UBA6: variants seen among roughly 807,000 people sequenced by gnomAD.
UBA6 encodes the protein ubiquitin-like modifier-activating enzyme 6.
A neutral mutation model predicts 148.3 loss-of-function variants in UBA6; 87 were observed. The ratio of observed to expected loss-of-function variants is 0.59; its 90% CI spans 0.49 to 0.70. The LOEUF (loss-of-function observed/expected upper bound fraction) is 0.70, where lower values mean the gene tolerates loss of function less well. Among genes scored for constraint, UBA6 ranks in the 30% least tolerant of loss-of-function variants. UBA6 has a pLI of 0.00. For missense variants in UBA6, 1,186 were observed against 1,241.2 expected (o/e 0.96, Z 0.67); for synonymous variants, 376 against 401.0 (o/e 0.94, Z 0.75).
In UBA6 at chr4:67,630,272, C is replaced by T. The variant is rs192146028; in HGVS notation, c.2328+194G>A. Reference sequence around the variant, plus strand: ...CTGCTTCAATTCAGAAGGAAAAATCCGACTTCTACTTAGCAATACTGCAAT... The same window carrying T: ...CTGCTTCAATTCAGAAGGAAAAATCTGACTTCTACTTAGCAATACTGCAAT... On this transcript the variant is annotated intron_variant, in intron 26 of 32. Coordinates refer to ENST00000322244, the MANE Select transcript of UBA6 (RefSeq NM_018227.6). 5.7e-4 allele frequency among the ~76,000 whole-genome samples: 86 copies of T among 152,104 alleles called. 1 individual carries two copies. Among genetic ancestry groups the T allele is most frequent in the African/African-American group, 2.0e-3 (82 of 41,534 alleles).
intron 17 of UBA6, among the ~76,000 whole-genome samples, chr4:67,642,631 T>C (rs1319026788): frequency 5.9e-5 from 9 of 152,110 alleles, no homozygotes; most frequent in African/African-American, 4.8e-5. Context: ...TATAGGTTAA[T>C]AGTAATTTTC....
In UBA6 at chr4:67,661,805, A is replaced by T. The variant is rs915436140; in HGVS notation, c.1104+384T>A. The T allele has an allele frequency of 2.3e-4, 57 of 244,670 alleles. 1 individual carries two copies. Among genetic ancestry groups the T allele is most frequent in the Admixed American group, 2.2e-3 (41 of 18,276 alleles). The allele number at this position is 244,670 out of a possible 1,614,324, so 15.2% of individuals were successfully genotyped here. On this transcript the variant is annotated intron_variant, in intron 13 of 32. Coordinates refer to ENST00000322244, the MANE Select transcript of UBA6 (RefSeq NM_018227.6). ...GATGTACGAAATGTGATAAAGAGAT[A>T]TGAATGTATAATATATAAAACAGGT...
At position 67,613,096 on chromosome 4, in the gene UBA6, A is replaced by G. The variant is rs189799275; in HGVS notation, c.*5901T>C. Reference sequence around the variant, plus strand: ...TTGAACCCTAGAAATAAGGATGAACAGAAGAGCATTACCACAGTCTGTGGC... The same window carrying G: ...TTGAACCCTAGAAATAAGGATGAACGGAAGAGCATTACCACAGTCTGTGGC... On this transcript the variant is annotated 3_prime_UTR_variant, in exon 33 of 33. Transcript: ENST00000322244. The G allele has an allele frequency of 6.6e-6, 1 of 152,364 alleles. No homozygotes were observed. The highest frequency in any genetic ancestry group is 2.4e-5 in the African/African-American group (1 of 41,580). The allele number at this position is 152,364 out of a possible 1,614,324, so 9.4% of individuals were successfully genotyped here.
Position 67,681,389 on chromosome 4 carries a change from TG to T in UBA6, c.258+173del, listed in dbSNP as rs200711507. 1.1e-4 allele frequency among the ~76,000 whole-genome samples: 17 copies of T among 152,280 alleles called. 1 individual carries two copies. The East Asian group carries it at 3.3e-3, about 29-fold the overall frequency. On this transcript the variant is annotated intron_variant, in intron 4 of 32. Coordinates refer to ENST00000322244, the MANE Select transcript of UBA6 (RefSeq NM_018227.6). Reference sequence around the variant, plus strand: ...TAACTGATGCTTTCTGATGGGTATGTGGGGTTTTGTTACACAATTCTTTCTT... The same window carrying T: ...TAACTGATGCTTTCTGATGGGTATGTGGGTTTTGTTACACAATTCTTTCTT...
At chr4:67,666,858 G>T (rs1293515442) in intron 9 of UBA6, among the ~76,000 whole-genome samples, 1 of 151,966 alleles carries the variant, frequency 6.6e-6, no homozygotes, top group South Asian at 2.1e-4. Context: ...CTGGGCAACA[G>T]AGCAAGATGC....
At chr4:67,639,309 A>G (rs1261079126) in intron 18 of UBA6, among the ~76,000 whole-genome samples, 185 bp from the exon 19 acceptor site, 1 of 152,222 alleles carries the variant, frequency 6.6e-6, no homozygotes, top group Non-Finnish European at 1.5e-5. Context: ...ATCACACTAC[A>G]TTAATAATGC....
intron 8 of UBA6, 111 bp downstream of exon 8, chr4:67,670,357 CTG>C: frequency 1.2e-6 from 1 of 847,328 alleles, no homozygotes; most frequent in Non-Finnish European, 1.8e-6. Context: ...TCTTAAAACA[CTG>C]TAAAATAAAT....
Position 67,678,550 on chromosome 4 carries a change from A to T in UBA6, c.259-17T>A, listed in dbSNP as rs541938817. ...TGTAACTGCCTTCAAAAAAGAAAAAAGTATTGGTTGAAGTCAGGAGTTCAA... is the reference window on the plus strand; with the variant it reads ...TGTAACTGCCTTCAAAAAAGAAAAATGTATTGGTTGAAGTCAGGAGTTCAA... On this transcript the variant is annotated splice_polypyrimidine_tract_variant and intron_variant, in intron 4 of 32. Transcript: ENST00000322244. The T allele has an allele frequency of 5.9e-6, 9 of 1,524,122 alleles. No homozygotes were observed. The South Asian group carries it at 7.1e-5, about 12-fold the overall frequency. The allele number at this position is 1,524,122 out of a possible 1,614,324, so 94.4% of individuals were successfully genotyped here.
intron 17 of UBA6, among the ~76,000 whole-genome samples, chr4:67,643,453 A>T (rs1460649326): frequency 1.3e-5 from 2 of 152,048 alleles, no homozygotes; most frequent in South Asian, 4.1e-4. Context: ...GTGGTCTTAA[A>T]TTTGTTATAT....
chr4:67,682,886 A>T (rs1381288904), intron 2 of UBA6, among the ~76,000 whole-genome samples: 1 of 152,220 alleles, frequency 6.6e-6, no homozygotes, highest in Non-Finnish European at 1.5e-5. Flanking sequence ...ATATAAATAA[A>T]TAATTTCAGA....
intron 30 of UBA6, 35 bp downstream of exon 30, chr4:67,624,091 C>T: frequency 1.4e-6 from 2 of 1,458,882 alleles, no homozygotes; most frequent in Non-Finnish European, 1.8e-6. Context: ...TTATTTCATT[C>T]TCATTATACA....
intron 20 of UBA6, 53 bp downstream of exon 20, chr4:67,635,399 CA>C: frequency 1.7e-6 from 2 of 1,157,644 alleles, no homozygotes; most frequent in South Asian, 1.3e-5. Flanking sequence ...TTGATTAAGA[CA>C]AAAATTACAA....
chr4:67,624,970 T>C (rs1333092784), intron 29 of UBA6, 24 bp downstream of exon 29: 2 of 1,555,658 alleles, frequency 1.3e-6, no homozygotes, highest in South Asian at 1.2e-5. Context: ...AGGAGCATTT[T>C]TATTCAAGGA....
At chr4:67,681,412 T>C in intron 4 of UBA6, 151 bp downstream of exon 4, 1 of 532,178 alleles carries the variant, frequency 1.9e-6, no homozygotes, top group Non-Finnish European at 3.3e-6. Context: ...CACAATTCTT[T>C]CTTTGTATAT....
intron 19 of UBA6, among the ~76,000 whole-genome samples, chr4:67,635,948 T>G (rs1729128321): frequency 6.6e-6 from 1 of 152,190 alleles, no homozygotes; most frequent in South Asian, 2.1e-4. Flanking sequence ...AATACCTATA[T>G]TCTACAAATT....
At chr4:67,684,134 T>C (rs1730505555) in intron 2 of UBA6, among the ~76,000 whole-genome samples, 1 of 152,150 alleles carries the variant, frequency 6.6e-6, no homozygotes, top group Admixed American at 6.5e-5. Flanking sequence ...ATGCAGCAAG[T>C]TACCCTTCTT....
chr4:67,670,557 C>A lies in UBA6; in HGVS notation c.582G>T (p.Arg194Ser). 1 of 1,611,606 alleles carries A rather than the reference C, an allele frequency of 6.2e-7. No individual in the cohort carries two copies. The highest frequency in any genetic ancestry group is 8.5e-7 in the Non-Finnish European group (1 of 1,177,958). Reference sequence around the variant, plus strand: ...ATTCATCACCGAAATCACAAAATAACCTTGACCAAATTCCATGTACATCTG... The same window carrying A: ...ATTCATCACCGAAATCACAAAATAAACTTGACCAAATTCCATGTACATCTG... ...ISADVHGIWSRLFCDFGDEFE... is the reference protein window; with the variant it reads ...ISADVHGIWSSLFCDFGDEFE... Residue 194 changes from arginine to serine, a missense_variant, in exon 8 of 33, where the codon AGG (arginine) becomes AGT (serine). Transcript: ENST00000322244.
chr4:67,664,569 CTTA>C (rs1729944456), intron 10 of UBA6, among the ~76,000 whole-genome samples: 1 of 152,032 alleles, frequency 6.6e-6, no homozygotes. Context: ...GATGTGCTAG[CTTA>C]TCCTGAGAAG....
chr4:67,680,229 A>C (rs915152410), intron 4 of UBA6, among the ~76,000 whole-genome samples: 1 of 152,206 alleles, frequency 6.6e-6, no homozygotes, highest in African/African-American at 2.4e-5. Flanking sequence ...AGAATGATAA[A>C]ACATCATCAC....
Sources: allele counts gnomAD v4.1 joint callset (sites outside exome capture counted in the v4.1 genomes callset), GRCh38; gene constraint gnomAD v4.1.1; transcripts MANE v1.5; gene names NCBI Gene and HGNC (gene_info 2026-07-23, HGNC 2026-07-21).